DOCK1: variants seen among roughly 807,000 people sequenced by gnomAD.
The protein encoded by DOCK1 is dedicator of cytokinesis protein 1.
A neutral mutation model predicts 262.7 loss-of-function variants in DOCK1; 138 were observed. That is an observed-to-expected ratio of 0.53 (90% CI 0.46 to 0.61). The LOEUF (loss-of-function observed/expected upper bound fraction) is 0.61, where lower values mean the gene tolerates loss of function less well. Among genes scored for constraint, DOCK1 ranks in the 20% least tolerant of loss-of-function variants. The probability of loss-of-function intolerance (pLI) is 0.00; values close to 1 mark genes in which losing one functional copy is unlikely to be tolerated. For missense variants in DOCK1, 1,908 were observed against 2,370.7 expected (o/e 0.80, Z 4.05); for synonymous variants, 866 against 867.4 (o/e 1.00, Z 0.03).
At position 127,086,244 on chromosome 10, in the gene DOCK1, C is replaced by T. The variant is rs144392696; in HGVS notation, c.2446-19987C>T. Among the ~76,000 whole-genome samples the T allele has an allele frequency of 9.2e-3, 1,391 of 151,770 alleles. 10 individuals carry two copies. Among genetic ancestry groups the T allele is most frequent in the Non-Finnish European group, 0.016 (1,105 of 67,928 alleles). Reference sequence around the variant, plus strand: ...ACCCCACCTCCCATCCCCCCACCCCCGGTGCAGGAAGGGAACTTAGTCTTC... The same window carrying T: ...ACCCCACCTCCCATCCCCCCACCCCTGGTGCAGGAAGGGAACTTAGTCTTC... On this transcript the variant is annotated intron_variant, in intron 23 of 51. Coordinates refer to ENST00000623213, the MANE Select transcript of DOCK1 (RefSeq NM_001290223.2).
intron 27 of DOCK1, among the ~76,000 whole-genome samples, chr10:127,141,758 G>T (rs1468901172): frequency 6.6e-6 from 1 of 151,726 alleles, no homozygotes; most frequent in Non-Finnish European, 1.5e-5. Flanking sequence ...AAATTATGTT[G>T]TGTCCTCCCC....
At chr10:127,378,170 T>C (rs2065620681) in intron 35 of DOCK1, among the ~76,000 whole-genome samples, 1 of 144,330 alleles carries the variant, frequency 6.9e-6, no homozygotes, top group Non-Finnish European at 1.5e-5. Context: ...ATCATTACTT[T>C]GCACATGCCA....
chr10:127,024,509 G>A (rs1001544233), intron 14 of DOCK1, among the ~76,000 whole-genome samples, 176 bp from the exon 15 acceptor site: 3 of 152,188 alleles, frequency 2.0e-5, no homozygotes, highest in Non-Finnish European at 2.9e-5. Context: ...AGGGGTTGGA[G>A]CTGGCCGCTG....
intron 27 of DOCK1, among the ~76,000 whole-genome samples, chr10:127,174,247 CTCCGA>C (rs1261191368): frequency 6.6e-6 from 1 of 152,206 alleles, no homozygotes; most frequent in African/African-American, 2.4e-5. Context: ...AGGGCGCTGC[CTCCGA>C]TGTTACCTCC....
chr10:127,328,268 A>T (rs1309449721), intron 29 of DOCK1, among the ~76,000 whole-genome samples: 2 of 152,200 alleles, frequency 1.3e-5, no homozygotes, highest in African/African-American at 4.8e-5. Context: ...TCACTGGTGT[A>T]TGCTGAGCGT....
intron 23 of DOCK1, among the ~76,000 whole-genome samples, chr10:127,075,857 G>T (rs1329337586): frequency 6.6e-6 from 1 of 152,140 alleles, no homozygotes; most frequent in African/African-American, 2.4e-5. Context: ...ACTCCATGTT[G>T]CCCAGGCTGA....
chr10:127,450,063 A>G (rs2070855523), intron 51 of DOCK1, among the ~76,000 whole-genome samples: 1 of 152,234 alleles, frequency 6.6e-6, no homozygotes, highest in Non-Finnish European at 1.5e-5. Context: ...TCAGACCTCA[A>G]AATAGATGTC....
At position 127,244,526 on chromosome 10, in the gene DOCK1, T is replaced by C. The variant is rs914974791; in HGVS notation, c.2848-3482T>C. 4.6e-5 allele frequency among the ~76,000 whole-genome samples: 7 copies of C among 152,358 alleles called. 1 individual carries two copies. In the South Asian group the frequency reaches 1.4e-3, roughly 32 times the overall value. ...TCCCACCAACAGCACACAAGAGTCC[T>C]CGTTCCCTGCACCCTTGCTCACATT... On this transcript the variant is annotated intron_variant, in intron 27 of 51. Coordinates refer to ENST00000623213, the MANE Select transcript of DOCK1 (RefSeq NM_001290223.2).
At position 127,003,965 on chromosome 10, in the gene DOCK1, A is replaced by C. The variant is rs552638278; in HGVS notation, c.985+3658A>C. 4.0e-3 allele frequency among the ~76,000 whole-genome samples: 604 copies of C among 151,406 alleles called. 1 individual carries two copies. The highest frequency in any genetic ancestry group is 5.8e-3 in the Non-Finnish European group (396 of 67,826). On this transcript the variant is annotated intron_variant, in intron 10 of 51. Transcript: ENST00000623213. ...AGAGACTCTGTCTCCCCTCCCCCCC[A>C]AAAAAAAGGCCAGGTACAGTGGCTC...
intron 37 of DOCK1, among the ~76,000 whole-genome samples, chr10:127,384,223 C>T (rs192921885): frequency 6.6e-5 from 10 of 152,292 alleles, no homozygotes; most frequent in African/African-American, 2.2e-4. Flanking sequence ...CATGTCTCCT[C>T]GTGCATCTTC....
At chr10:127,133,278 A>G (rs1433927696) in intron 27 of DOCK1, among the ~76,000 whole-genome samples, 1 of 152,248 alleles carries the variant, frequency 6.6e-6, no homozygotes. Context: ...ATATTTTCAC[A>G]AAGATGTTAT....
In DOCK1 at chr10:127,452,426, A is replaced by G. The variant is rs1417615536; in HGVS notation, c.*999A>G. On this transcript the variant is annotated 3_prime_UTR_variant, in exon 52 of 52. Transcript: ENST00000623213. Reference sequence around the variant, plus strand: ...ACCTAATATTTGTATTCTCTCATCTATATTTTTTTATTCACTATAATCATG... The same window carrying G: ...ACCTAATATTTGTATTCTCTCATCTGTATTTTTTTATTCACTATAATCATG... 1 of 152,574 alleles carries G rather than the reference A, an allele frequency of 6.6e-6. No homozygotes were observed. Among genetic ancestry groups the G allele is most frequent in the African/African-American group, 2.4e-5 (1 of 41,434 alleles). 9.5% of individuals were successfully genotyped at this position (152,574 alleles called of 1,614,324 possible).
chr10:127,206,288 C>T (rs2057719981), intron 27 of DOCK1, among the ~76,000 whole-genome samples: 1 of 151,920 alleles, frequency 6.6e-6, no homozygotes, highest in African/African-American at 2.4e-5. Flanking sequence ...GAATTACAGG[C>T]ACCCGCCACC....
intron 29 of DOCK1, among the ~76,000 whole-genome samples, chr10:127,280,947 G>A (rs4338450): frequency 0.15 from 22,946 of 152,102 alleles, 1,983 homozygotes; most frequent in East Asian, 0.25. Context: ...CCTTGAGTTA[G>A]CAAATCACCA....
Position 127,203,574 on chromosome 10 carries a change from T to TA in DOCK1, c.2848-44427dup, listed in dbSNP as rs527566838. 5.0e-3 allele frequency among the ~76,000 whole-genome samples: 759 copies of TA among 150,678 alleles called. 9 individuals carry two copies. The highest frequency in any genetic ancestry group is 0.017 in the African/African-American group (708 of 41,096). On this transcript the variant is annotated intron_variant, in intron 27 of 51. Coordinates refer to ENST00000623213, the MANE Select transcript of DOCK1 (RefSeq NM_001290223.2). ...AATGGGAAAAGTACAGAATTAAAAATAAAAAAATCTCTAGTTATGTTTGAT... is the reference window on the plus strand; with the variant it reads ...AATGGGAAAAGTACAGAATTAAAAATAAAAAAAATCTCTAGTTATGTTTGAT...
chr10:127,145,775 A>G lies in DOCK1; in HGVS notation c.2847+18011A>G, dbSNP rs12269359. On this transcript the variant is annotated intron_variant, in intron 27 of 51. Coordinates refer to ENST00000623213, the MANE Select transcript of DOCK1 (RefSeq NM_001290223.2). ...TTTCTAGATGTGGTCAGGAGCTCCC[A>G]CTCCATCCTGATACCCATTGAGAGC... The G allele has an allele frequency of 6.6e-3, 1,958 of 298,486 alleles. 11 individuals carry two copies. Among genetic ancestry groups the G allele is most frequent in the Admixed American group, 0.01 (212 of 20,390 alleles). 18.5% of individuals were successfully genotyped at this position (298,486 alleles called of 1,614,324 possible). A position where few individuals can be genotyped will look rare whatever the true frequency, so the allele number is the denominator to read the frequency against.
chr10:127,426,094 G>A (rs2068796721), intron 47 of DOCK1, 83 bp downstream of exon 47: 6 of 1,593,908 alleles, frequency 3.8e-6, no homozygotes, highest in Non-Finnish European at 5.1e-6. Flanking sequence ...TTCCAGAGCA[G>A]AGGAACTCAC....
chr10:126,982,599 A>C (rs935950431), intron 4 of DOCK1, among the ~76,000 whole-genome samples: 1 of 152,190 alleles, frequency 6.6e-6, no homozygotes, highest in Non-Finnish European at 1.5e-5. Context: ...TAAATATGTA[A>C]ATTATAAAAT....
chr10:127,275,167 T>C (rs2060699170), intron 29 of DOCK1, among the ~76,000 whole-genome samples: 1 of 152,058 alleles, frequency 6.6e-6, no homozygotes, highest in African/African-American at 2.4e-5. Context: ...CCCAGGCTAA[T>C]GCCTCAGGGC....
Sources: allele counts gnomAD v4.1 joint callset (sites outside exome capture counted in the v4.1 genomes callset), GRCh38; gene constraint gnomAD v4.1.1; transcripts MANE v1.5; gene names NCBI Gene and HGNC (gene_info 2026-07-23, HGNC 2026-07-21).